BTBD9: variants seen among roughly 807,000 people sequenced by gnomAD.
BTBD9 encodes the protein BTB domain containing 9.
A neutral mutation model predicts 64.3 loss-of-function variants in BTBD9; 49 were observed. The observed-to-expected ratio is 0.76, with a 90% confidence interval of 0.61 to 0.97. BTBD9 has a LOEUF of 0.97. Among genes scored for constraint, BTBD9 ranks in the 50% least tolerant of loss-of-function variants. The probability of loss-of-function intolerance (pLI) is 0.00; values close to 1 mark genes in which losing one functional copy is unlikely to be tolerated. For missense variants in BTBD9, 598 were observed against 762.1 expected, an observed-to-expected ratio of 0.78 and a Z score of 2.53; for synonymous variants, 260 against 274.7, an observed-to-expected ratio of 0.95 and a Z score of 0.53.
At chr6:38,467,737 T>C (rs1234836583) in intron 6 of BTBD9, among the ~76,000 whole-genome samples, 20 of 152,232 alleles carry the variant, frequency 1.3e-4, no homozygotes, top group Non-Finnish European at 2.1e-4. Flanking sequence ...TTGACTTCTC[T>C]ATTTCTATTC....
At chr6:38,481,472 A>G (rs1372908854) in intron 6 of BTBD9, among the ~76,000 whole-genome samples, 1 of 152,196 alleles carries the variant, frequency 6.6e-6, no homozygotes, top group Non-Finnish European at 1.5e-5. Flanking sequence ...GGGAGATAGG[A>G]AGGCAGCATT....
At chr6:38,319,513 T>C (rs986365891) in intron 7 of BTBD9, among the ~76,000 whole-genome samples, 5 of 151,954 alleles carry the variant, frequency 3.3e-5, no homozygotes, top group Admixed American at 1.3e-4. Flanking sequence ...TGATGAATCC[T>C]GCCAGGACTG....
At chr6:38,353,132 G>C (rs1764588272) in intron 6 of BTBD9, among the ~76,000 whole-genome samples, 1 of 152,150 alleles carries the variant, frequency 6.6e-6, no homozygotes, top group African/African-American at 2.4e-5. Flanking sequence ...CTCTGTCTAA[G>C]AACACGGCTA....
intron 6 of BTBD9, chr6:38,482,616 A>T (rs1771208863): frequency 6.6e-6 from 1 of 152,122 alleles, no homozygotes. Flanking sequence ...TCATTCCTTC[A>T]ACTCAGTTCT....
intron 6 of BTBD9, among the ~76,000 whole-genome samples, chr6:38,361,945 G>A (rs1237443270): frequency 6.6e-6 from 1 of 151,748 alleles, no homozygotes; most frequent in Non-Finnish European, 1.5e-5. Flanking sequence ...AGGTCCTTTG[G>A]ATTAACAGAC....
At chr6:38,434,722 C>T (rs1454650756) in intron 6 of BTBD9, among the ~76,000 whole-genome samples, 1 of 151,986 alleles carries the variant, frequency 6.6e-6, no homozygotes, top group Non-Finnish European at 1.5e-5. Context: ...CTTTCTCTTA[C>T]ACACTCTCCC....
At chr6:38,261,238 T>G (rs1764780425) in intron 8 of BTBD9, among the ~76,000 whole-genome samples, 1 of 152,166 alleles carries the variant, frequency 6.6e-6, no homozygotes, top group South Asian at 2.1e-4. Flanking sequence ...TTATGAAAAT[T>G]TTGTGATAGA....
At position 38,203,371 on chromosome 6, in the gene BTBD9, C is replaced by A. The variant is rs536457573; in HGVS notation, c.1563-10774G>T. On this transcript the variant is annotated intron_variant, in intron 9 of 10. Coordinates refer to ENST00000481247, the MANE Select transcript of BTBD9 (RefSeq NM_001099272.2). ...AAATTTCTGGAAACATGCAATCTAC[C>A]AAATGATCCAGCAATTTCACTTCTG... 2.0e-5 allele frequency among the ~76,000 whole-genome samples: 3 copies of A among 151,996 alleles called. No individual in the cohort carries two copies. The East Asian group carries it at 5.8e-4, about 29-fold the overall frequency.
intron 8 of BTBD9, among the ~76,000 whole-genome samples, chr6:38,268,755 G>C (rs1358655522): frequency 1.3e-5 from 2 of 152,166 alleles, no homozygotes; most frequent in South Asian, 2.1e-4. Flanking sequence ...TTGAGCTCTT[G>C]CTAGAAATGA....
At chr6:38,436,452 T>C (rs9380749) in intron 6 of BTBD9, among the ~76,000 whole-genome samples, 11,845 of 147,366 alleles carry the variant, frequency 0.08, 896 homozygotes, top group East Asian at 0.33. Flanking sequence ...CTCGGCTCAC[T>C]GCAACCTCTG....
At chr6:38,548,575 C>T (rs945072216) in intron 6 of BTBD9, among the ~76,000 whole-genome samples, 5 of 150,972 alleles carry the variant, frequency 3.3e-5, no homozygotes, top group African/African-American at 1.2e-4. Flanking sequence ...AAGAATAGAG[C>T]AATTTCAAAG....
At chr6:38,454,564 A>G (rs1769710207) in intron 6 of BTBD9, among the ~76,000 whole-genome samples, 1 of 151,432 alleles carries the variant, frequency 6.6e-6, no homozygotes, top group Non-Finnish European at 1.5e-5. Flanking sequence ...TAGGAGGCCG[A>G]CACATGAGGC....
chr6:38,466,971 T>G (rs1181267026), intron 6 of BTBD9, among the ~76,000 whole-genome samples: 1 of 152,162 alleles, frequency 6.6e-6, no homozygotes, highest in African/African-American at 2.4e-5. Context: ...AAAATTCAAG[T>G]GCAATTAACA....
intron 7 of BTBD9, among the ~76,000 whole-genome samples, chr6:38,323,026 C>T (rs1414741594): frequency 6.6e-6 from 1 of 152,200 alleles, no homozygotes; most frequent in African/African-American, 2.4e-5. Context: ...TGAATAGTAA[C>T]ATCATGTGTT....
intron 10 of BTBD9, among the ~76,000 whole-genome samples, chr6:38,191,382 T>C (rs573271183): frequency 6.6e-6 from 1 of 152,298 alleles, no homozygotes; most frequent in South Asian, 2.1e-4. Flanking sequence ...ACAGGGCCCA[T>C]TTGCTGGATG....
chr6:38,631,363 G>A (rs985924582), intron 1 of BTBD9, among the ~76,000 whole-genome samples: 1 of 152,156 alleles, frequency 6.6e-6, no homozygotes, highest in Non-Finnish European at 1.5e-5. Context: ...TTGGAAATAT[G>A]CCCACAAATT....
At chr6:38,370,389 C>T (rs1250328586) in intron 6 of BTBD9, among the ~76,000 whole-genome samples, 1 of 152,196 alleles carries the variant, frequency 6.6e-6, no homozygotes, top group African/African-American at 2.4e-5. Flanking sequence ...TTGCTTTGGG[C>T]TTTAAGGCTT....
At chr6:38,406,192 A>T (rs192787900) in intron 6 of BTBD9, among the ~76,000 whole-genome samples, 2 of 152,344 alleles carry the variant, frequency 1.3e-5, no homozygotes, top group East Asian at 3.9e-4. Context: ...GCACCTTCTT[A>T]TAAATCTTTG....
At chr6:38,271,225 T>C (rs888537592) in intron 8 of BTBD9, among the ~76,000 whole-genome samples, 1 of 151,938 alleles carries the variant, frequency 6.6e-6, no homozygotes, top group Non-Finnish European at 1.5e-5. Context: ...GAGGTCAGAG[T>C]TGGGGAATGA....
Sources: gnomAD v4.1 joint callset for allele counts (sites outside exome capture counted in the v4.1 genomes callset) on GRCh38, gnomAD v4.1.1 for gene constraint, MANE v1.5 for transcripts, NCBI Gene and HGNC (gene_info 2026-07-23, HGNC 2026-07-21) for gene names.